The following DPP6 variants were observed in gnomAD, a reference collection of about 807,000 sequenced individuals.
DPP6 encodes dipeptidyl peptidase like 6, also known as A-type potassium channel modulatory protein DPP6.
DPP6 carries 69 observed loss-of-function variants against 122.6 expected under a neutral mutation model. That is an observed-to-expected ratio of 0.56 (90% CI 0.46 to 0.69). DPP6 has a LOEUF of 0.69. Among genes scored for constraint, DPP6 ranks in the 30% least tolerant of loss-of-function variants. The pLI, the probability that DPP6 is intolerant of heterozygous loss-of-function variation, is 0.00. For missense variants in DPP6, 928 were observed against 1,116.9 expected, an observed-to-expected ratio of 0.83 and a Z score of 2.41; for synonymous variants, 418 against 433.1, an observed-to-expected ratio of 0.97 and a Z score of 0.43.
intron 23 of DPP6, among the ~76,000 whole-genome samples, chr7:154,888,083 T>G (rs1584994871): frequency 2.9e-5 from 4 of 140,064 alleles, no homozygotes; most frequent in Admixed American, 7.4e-5. Flanking sequence ...TGGGGGAGAG[T>G]GAGCTTTTTT....
At chr7:154,576,947 G>T (rs1383290473) in intron 5 of DPP6, among the ~76,000 whole-genome samples, 1 of 152,214 alleles carries the variant, frequency 6.6e-6, no homozygotes, top group Non-Finnish European at 1.5e-5. Flanking sequence ...GATTAGCAGT[G>T]TTGAGTTGGG....
At chr7:154,277,931 T>C (rs1804246401) in intron 1 of DPP6, among the ~76,000 whole-genome samples, 1 of 152,100 alleles carries the variant, frequency 6.6e-6, no homozygotes, top group Admixed American at 6.6e-5. Context: ...CCAGTGAGAG[T>C]TCTTCCACAT....
rs373378162 is a variant in DPP6, at chr7:154,023,318, G to GCACGCACACGCACACACACA, written c.51+135587_51+135588insGCACACGCACACACACACAC. Among the ~76,000 whole-genome samples, 127 of 129,614 alleles carry GCACGCACACGCACACACACA rather than the reference G, an allele frequency of 9.8e-4. 3 individuals are homozygous for GCACGCACACGCACACACACA. The highest frequency in any genetic ancestry group is 3.5e-3 in the African/African-American group (110 of 31,174). 85.0% of individuals were successfully genotyped at this position (129,614 alleles called of 152,430 possible). On this transcript the variant is annotated intron_variant, in intron 1 of 25. Transcript: ENST00000404039. The stretch of plus-strand genomic sequence containing the variant: ...CAGGCTCTGGAAATGTTTCTTGTCT[G>GCACGCACACGCACACACACA]CACACACACACACACACACACACAC...
At position 154,029,368 on chromosome 7, in the gene DPP6, A is replaced by T. The variant is rs914811010; in HGVS notation, c.51+141634A>T. Among the ~76,000 whole-genome samples the T allele has an allele frequency of 4.9e-4, 73 of 150,200 alleles. No individual in the cohort carries two copies. The East Asian group carries it at 5.2e-3, about 11-fold the overall frequency. On this transcript the variant is annotated intron_variant, in intron 1 of 25. Coordinates refer to the DPP6 transcript ENST00000404039. ...CGTCTCTACTAAAAATACAAAAAAA[A>T]TAGCTGGGCGCGGTGGCGGGCGCCT...
At chr7:154,847,435 G>C (rs1201966747) in intron 16 of DPP6, among the ~76,000 whole-genome samples, 2 of 152,158 alleles carry the variant, frequency 1.3e-5, no homozygotes, top group African/African-American at 2.4e-5. Context: ...TGACATCGTA[G>C]CTATTTGTTA....
intron 5 of DPP6, among the ~76,000 whole-genome samples, chr7:154,637,279 A>G (rs1835786112): frequency 6.6e-6 from 1 of 152,108 alleles, no homozygotes; most frequent in South Asian, 2.1e-4. Context: ...TTTTTCAGTA[A>G]GTTCTTGTTG....
Position 154,062,057 on chromosome 7 carries a change from G to C in DPP6, c.243+8994G>C, listed in dbSNP as rs372932205. 2.8e-4 allele frequency among the ~76,000 whole-genome samples: 22 copies of C among 77,278 alleles called. No homozygotes were observed. The East Asian group carries it at 5.8e-3, about 20-fold the overall frequency. 50.7% of individuals were successfully genotyped at this position (77,278 alleles called of 152,430 possible). On this transcript the variant is annotated intron_variant, in intron 1 of 25. Coordinates refer to ENST00000377770, the MANE Select transcript of DPP6 (RefSeq NM_130797.4). ...CCCGCGAGGCAGGGACTGACAGCCA[G>C]CCCCTGGTTCCCCCACTGGCTCTTA...
At chr7:154,265,313 A>C (rs558763259) in intron 1 of DPP6, among the ~76,000 whole-genome samples, 12 of 152,276 alleles carry the variant, frequency 7.9e-5, no homozygotes, top group African/African-American at 2.9e-4. Flanking sequence ...GATGCTGATA[A>C]TGTTAAACTG....
chr7:154,512,354 T>C (rs1447291208), intron 3 of DPP6, among the ~76,000 whole-genome samples: 2 of 152,212 alleles, frequency 1.3e-5, no homozygotes, highest in Non-Finnish European at 2.9e-5. Context: ...TAAAGCACTT[T>C]GAAGCACGCT....
At chr7:154,329,201 A>C (rs1808704243) in intron 1 of DPP6, among the ~76,000 whole-genome samples, 1 of 152,212 alleles carries the variant, frequency 6.6e-6, no homozygotes, top group African/African-American at 2.4e-5. Flanking sequence ...TCATGATTTC[A>C]ACAAAGCTTT....
intron 1 of DPP6, among the ~76,000 whole-genome samples, chr7:154,078,946 CAAAAAA>C (rs67950621): frequency 0.017 from 1,859 of 112,594 alleles, 24 homozygotes; most frequent in Non-Finnish European, 0.023. Flanking sequence ...CATTCTTTTC[CAAAAAA>C]AAAAAAAAAA....
chr7:154,654,078 C>T (rs1486932061), intron 6 of DPP6, among the ~76,000 whole-genome samples: 1 of 152,076 alleles, frequency 6.6e-6, no homozygotes, highest in Non-Finnish European at 1.5e-5. Context: ...TTTACATTAG[C>T]AATTACATTG....
the DPP6 span, among the ~76,000 whole-genome samples, chr7:153,851,966 T>C: frequency 6.6e-6 from 1 of 152,212 alleles, no homozygotes; most frequent in African/African-American, 2.4e-5. Flanking sequence ...GCATGATTTC[T>C]ATTTGATTTT....
In DPP6 at chr7:154,727,891, A is replaced by AGAT. The variant is rs778395465; in HGVS notation, c.883+6_883+8dup. Reference sequence around the variant, plus strand: ...CTCAGTGACTGGCTGTATGAAGGTAAGATGTGCACAGAGAGAAAAAAGGAA... The same window carrying AGAT: ...CTCAGTGACTGGCTGTATGAAGGTAAGATGATGTGCACAGAGAGAAAAAAGGAA... On this transcript the variant is annotated splice_donor_region_variant and intron_variant, in intron 8 of 25. Coordinates refer to ENST00000377770, the MANE Select transcript of DPP6 (RefSeq NM_130797.4). 2 of 1,589,752 alleles carry AGAT rather than the reference A, an allele frequency of 1.3e-6. No individual in the cohort carries two copies. Among genetic ancestry groups the AGAT allele is most frequent in the African/African-American group, 2.7e-5 (2 of 74,166 alleles).
chr7:154,216,838 T>TG (rs1563328512), intron 1 of DPP6, among the ~76,000 whole-genome samples: 10 of 150,580 alleles, frequency 6.6e-5, no homozygotes. Context: ...CTGTTGTTTT[T>TG]TTTTTTTTTT....
intron 5 of DPP6, among the ~76,000 whole-genome samples, chr7:154,609,594 C>CAT (rs1297134355): frequency 6.6e-6 from 1 of 152,166 alleles, no homozygotes; most frequent in Non-Finnish European, 1.5e-5. Flanking sequence ...TGCACATGCA[C>CAT]ACACATATAC....
At chr7:153,974,880 A>G (rs1008545364) in intron 1 of DPP6, among the ~76,000 whole-genome samples, 1 of 152,220 alleles carries the variant, frequency 6.6e-6, no homozygotes, top group Non-Finnish European at 1.5e-5. Context: ...CCAAGCCTGC[A>G]GCAGGACTCA....
the DPP6 span, among the ~76,000 whole-genome samples, chr7:153,780,334 G>C: frequency 8.0e-4 from 122 of 152,222 alleles, no homozygotes; most frequent in Non-Finnish European, 1.4e-3. Flanking sequence ...CCTGTAAATA[G>C]TTTGAGAAAG....
At chr7:154,148,579 A>T (rs1796239495) in intron 1 of DPP6, among the ~76,000 whole-genome samples, 1 of 152,192 alleles carries the variant, frequency 6.6e-6, no homozygotes, top group African/African-American at 2.4e-5. Context: ...CCCTGTGCCC[A>T]TGCTGCAGTG....
Sources: allele counts gnomAD v4.1 joint callset (sites outside exome capture counted in the v4.1 genomes callset), GRCh38; gene constraint gnomAD v4.1.1; transcripts MANE v1.5; gene names NCBI Gene and HGNC (gene_info 2026-07-23, HGNC 2026-07-21).